PTPRO: variants seen among roughly 807,000 people sequenced by gnomAD.
PTPRO encodes protein tyrosine phosphatase receptor type O.
In PTPRO, 62 loss-of-function variants were observed where a neutral mutation model predicts 145.2. That is an observed-to-expected ratio of 0.43 (90% confidence interval 0.35 to 0.53). PTPRO has a LOEUF of 0.53. PTPRO is among the 20% of genes least tolerant of loss of function. The pLI, the probability that PTPRO is intolerant of heterozygous loss-of-function variation, is 0.01. For missense variants in PTPRO, 1,345 were observed against 1,482.7 expected (o/e 0.91, Z 1.53); for synonymous variants, 565 against 514.7 (o/e 1.10, Z -1.32).
chr12:15,404,246 G>A (rs532930154), intron 1 of PTPRO, among the ~76,000 whole-genome samples: 1 of 142,962 alleles, frequency 7.0e-6, no homozygotes, highest in African/African-American at 2.6e-5. Flanking sequence ...AAAATAAATA[G>A]TATTTGACTA....
chr12:15,467,886 C>T (rs756470631), intron 1 of PTPRO, among the ~76,000 whole-genome samples: 4 of 152,132 alleles, frequency 2.6e-5, no homozygotes, highest in African/African-American at 7.2e-5. Flanking sequence ...CTCAGGGTGA[C>T]GGAGAACTAT....
At chr12:15,360,842 G>A (rs1938163152) in intron 1 of PTPRO, among the ~76,000 whole-genome samples, 1 of 115,080 alleles carries the variant, frequency 8.7e-6, no homozygotes, top group Admixed American at 8.9e-5. Flanking sequence ...ATATATACGT[G>A]TGTATATATG....
At chr12:15,491,721 A>G (rs1196009828) in intron 2 of PTPRO, among the ~76,000 whole-genome samples, 5 of 152,204 alleles carry the variant, frequency 3.3e-5, no homozygotes, top group Non-Finnish European at 7.3e-5. Context: ...GCAGAAGCAC[A>G]TTTCCAGACA....
At chr12:15,381,499 A>C (rs1284417788) in intron 1 of PTPRO, among the ~76,000 whole-genome samples, 4 of 152,174 alleles carry the variant, frequency 2.6e-5, no homozygotes, top group African/African-American at 4.8e-5. Flanking sequence ...ACATTTCTAA[A>C]GCTATGTATC....
chr12:15,537,925 A>G (rs1466545195), intron 12 of PTPRO, among the ~76,000 whole-genome samples: 1 of 152,194 alleles, frequency 6.6e-6, no homozygotes, highest in Non-Finnish European at 1.5e-5. Flanking sequence ...AGTGAAGATC[A>G]TGATAGCCGC....
intron 1 of PTPRO, among the ~76,000 whole-genome samples, chr12:15,463,830 C>A (rs1941357644): frequency 6.6e-6 from 1 of 152,200 alleles, no homozygotes; most frequent in Admixed American, 6.5e-5. Context: ...AGAAACTGAA[C>A]TATAATAATA....
At chr12:15,407,094 T>C (rs1565611677) in intron 1 of PTPRO, among the ~76,000 whole-genome samples, 1 of 152,232 alleles carries the variant, frequency 6.6e-6, no homozygotes, top group Non-Finnish European at 1.5e-5. Context: ...AGCTTTTGGA[T>C]CACAGAAATG....
chr12:15,490,327 T>G (rs1941974459), intron 2 of PTPRO, among the ~76,000 whole-genome samples: 1 of 152,172 alleles, frequency 6.6e-6, no homozygotes, highest in Non-Finnish European at 1.5e-5. Flanking sequence ...AGATAATAAG[T>G]GTGTTATGCT....
chr12:15,556,370 A>T lies in PTPRO; in HGVS notation c.2559-1085A>T, dbSNP rs532121620. ...CCAGTAATGTTAAAATCTCTGCTTC[A>T]GTTCTGAGTATTAAATCCATTAATT... is the stretch of plus-strand genomic sequence containing the variant. On this transcript the variant is annotated intron_variant, in intron 15 of 26. Coordinates refer to ENST00000281171, the MANE Select transcript of PTPRO (RefSeq NM_030667.3). 7.9e-5 allele frequency among the ~76,000 whole-genome samples: 12 copies of T among 152,298 alleles called. No homozygotes were observed. In the South Asian group the frequency reaches 2.5e-3, roughly 32 times the overall value.
At chr12:15,399,697 G>C (rs374742375) in intron 1 of PTPRO, among the ~76,000 whole-genome samples, 1 of 152,068 alleles carries the variant, frequency 6.6e-6, no homozygotes, top group East Asian at 1.9e-4. Context: ...TCATACCAAG[G>C]TATTATTTAC....
chr12:15,394,522 C>T (rs1386511004), intron 1 of PTPRO, among the ~76,000 whole-genome samples: 4 of 151,966 alleles, frequency 2.6e-5, no homozygotes, highest in Non-Finnish European at 4.4e-5. Flanking sequence ...TCATATGCCC[C>T]GATCTATTGG....
At chr12:15,512,921 G>T (rs1213584072) in intron 7 of PTPRO, among the ~76,000 whole-genome samples, 1 of 151,856 alleles carries the variant, frequency 6.6e-6, no homozygotes, top group African/African-American at 2.4e-5. Context: ...GTGAACCCAG[G>T]AGGCAGAGGT....
At chr12:15,563,808 G>C (rs1943834216) in intron 17 of PTPRO, among the ~76,000 whole-genome samples, 1 of 152,100 alleles carries the variant, frequency 6.6e-6, no homozygotes, top group Non-Finnish European at 1.5e-5. Context: ...TGTTTGGATA[G>C]GAAAGTATTT....
chr12:15,401,081 C>G (rs561008005), intron 1 of PTPRO, among the ~76,000 whole-genome samples: 1 of 152,278 alleles, frequency 6.6e-6, no homozygotes, highest in South Asian at 2.1e-4. Flanking sequence ...ATCAGGTTGA[C>G]TGGGAATGCT....
At chr12:15,580,928 A>G in intron 22 of PTPRO, 97 bp downstream of exon 22, 4 of 1,489,798 alleles carry the variant, frequency 2.7e-6, no homozygotes, top group Non-Finnish European at 3.7e-6. Context: ...CAAATAAAAC[A>G]TAGAGACAAA....
chr12:15,517,385 T>C (rs1942622434), intron 9 of PTPRO, among the ~76,000 whole-genome samples: 2 of 152,166 alleles, frequency 1.3e-5, no homozygotes, highest in Non-Finnish European at 2.9e-5. Flanking sequence ...CACTTGGGAA[T>C]TCAAGATGAG....
chr12:15,522,535 CGT>C (rs1055607330), intron 10 of PTPRO, among the ~76,000 whole-genome samples: 35 of 151,838 alleles, frequency 2.3e-4, no homozygotes, highest in South Asian at 8.3e-4. Context: ...AGTAAAAACG[CGT>C]GTGTGTGTGA....
At chr12:15,415,627 C>A (rs560364503) in intron 1 of PTPRO, among the ~76,000 whole-genome samples, 5 of 151,668 alleles carry the variant, frequency 3.3e-5, no homozygotes, top group Admixed American at 6.6e-5. Flanking sequence ...CCTTGTGATC[C>A]GCCCACCCTG....
intron 12 of PTPRO, among the ~76,000 whole-genome samples, chr12:15,543,133 A>G (rs1194327326): frequency 6.6e-6 from 1 of 152,214 alleles, no homozygotes; most frequent in Admixed American, 6.5e-5. Flanking sequence ...AAGATCCTGA[A>G]CAGTCCTCAA....
Sources: gnomAD v4.1 joint callset for allele counts (sites outside exome capture counted in the v4.1 genomes callset) on GRCh38, gnomAD v4.1.1 for gene constraint, MANE v1.5 for transcripts, NCBI Gene and HGNC (gene_info 2026-07-23, HGNC 2026-07-21) for gene names.